Variants in PIKFYVE observed in about 807,000 individuals in gnomAD.
PIKFYVE encodes 1-phosphatidylinositol 3-phosphate 5-kinase.
Under a neutral mutation model 257.9 loss-of-function variants are expected in PIKFYVE, and 122 were observed. That is an observed-to-expected ratio of 0.47 (90% CI 0.41 to 0.55). PIKFYVE has a LOEUF of 0.55. PIKFYVE is among the 20% of genes least tolerant of loss of function. The pLI is 0.00. For missense variants in PIKFYVE, 2,160 were observed against 2,536.6 expected (o/e 0.85, Z 3.19); for synonymous variants, 892 against 868.9 (o/e 1.03, Z -0.47).
intron 28 of PIKFYVE, 29 bp from the exon 29 acceptor site, chr2:208,338,479 A>G (rs1698387473): frequency 5.6e-6 from 9 of 1,604,730 alleles, no homozygotes; most frequent in Non-Finnish European, 7.7e-6. Flanking sequence ...CATGTTTTCC[A>G]TAAGAACAAA....
chr2:208,289,583 C>T (rs929840200), intron 7 of PIKFYVE, among the ~76,000 whole-genome samples: 4 of 152,148 alleles, frequency 2.6e-5, no homozygotes, highest in Admixed American at 1.3e-4. Flanking sequence ...GCGCCCATCA[C>T]CATGCCCAGC....
chr2:208,304,766 CT>C, intron 11 of PIKFYVE, 79 bp from the exon 12 acceptor site: 1 of 1,394,820 alleles, frequency 7.2e-7, no homozygotes, highest in African/African-American at 1.4e-5. Flanking sequence ...CATTTTTCTC[CT>C]TTCCTCCAAT....
chr2:208,335,987 T>G, intron 26 of PIKFYVE, 59 bp from the exon 27 acceptor site: 1 of 1,603,176 alleles, frequency 6.2e-7, no homozygotes, highest in South Asian at 1.1e-5. Flanking sequence ...TAATAGCAGT[T>G]TCTTTTGGGG....
At position 208,295,467 on chromosome 2, in the gene PIKFYVE, A is replaced by G. The variant is rs564014034; in HGVS notation, c.912-3174A>G. ...AATCTGTGATGCAGTTCAGAATCAT[A>G]TTGAACTTATTTGTCATATGTCTTG... On this transcript the variant is annotated intron_variant, in intron 7 of 41. Transcript: ENST00000264380. 3.3e-5 allele frequency among the ~76,000 whole-genome samples: 5 copies of G among 152,314 alleles called. No individual in the cohort carries two copies. The South Asian group carries it at 6.2e-4, about 19-fold the overall frequency.
chr2:208,355,215 G>A lies in PIKFYVE; in HGVS notation c.6207G>A (p.Pro2069=), dbSNP rs924222421. Residue 2069 remains proline (P), a synonymous_variant, in exon 42 of 42, where the codon CCG becomes CCA. Transcript: ENST00000264380. ...GTAAAATGCCAACAGTGGTGTCTCC[G>A]GAGTTGTACAGGACTAGGTTTTGTG... ...GQGKMPTVVS[P]ELYRTRFCEA... The A allele has an allele frequency of 5.0e-6, 8 of 1,613,734 alleles. No individual in the cohort carries two copies. Among genetic ancestry groups the A allele is most frequent in the African/African-American group, 4.0e-5 (3 of 74,894 alleles).
chr2:208,281,326 G>A (rs1559398231), intron 5 of PIKFYVE, among the ~76,000 whole-genome samples: 1 of 152,102 alleles, frequency 6.6e-6, no homozygotes. Context: ...TTAACCCCTT[G>A]AGCTGCAACA....
chr2:208,315,284 T>A lies in PIKFYVE; in HGVS notation c.1918T>A (p.Leu640Met). 1 of 1,614,158 alleles carries A rather than the reference T, an allele frequency of 6.2e-7. No individual in the cohort carries two copies. The highest frequency in any genetic ancestry group is 8.5e-7 in the Non-Finnish European group (1 of 1,179,994). Reference sequence around the variant, plus strand: ...ATCTTGGAGGGACATCATCGTGTCATTGGTCTGCCAGGTTGTTCAGACAGT... The same window carrying A: ...ATCTTGGAGGGACATCATCGTGTCAATGGTCTGCCAGGTTGTTCAGACAGT... ...SSSWRDIIVSLVCQVVQTVRP... is the reference protein window; with the variant it reads ...SSSWRDIIVSMVCQVVQTVRP... The change falls in exon 15 of 42, where the codon TTG (leucine) becomes ATG (methionine). Residue 640 changes from leucine to methionine, a missense_variant. By Grantham distance (15) the Leu-to-Met change is conservative (BLOSUM62 2). This residue lies in a region of PIKFYVE where 346 missense variants were observed against 365.6 expected (regional missense o/e 0.95). Coordinates refer to ENST00000264380, the MANE Select transcript of PIKFYVE (RefSeq NM_015040.4).
chr2:208,351,786 C>T (rs572855311), intron 38 of PIKFYVE, among the ~76,000 whole-genome samples: 6 of 152,192 alleles, frequency 3.9e-5, no homozygotes, highest in South Asian at 2.1e-4. Context: ...CCAGATCTTG[C>T]GTGAACTCAG....
At chr2:208,329,980 G>A (rs1697333233) in intron 22 of PIKFYVE, 67 bp downstream of exon 22, 5 of 1,572,498 alleles carry the variant, frequency 3.2e-6, no homozygotes, top group African/African-American at 1.3e-5. Flanking sequence ...AAGCTAAAAC[G>A]TAAACATGAG....
intron 9 of PIKFYVE, 132 bp downstream of exon 9, chr2:208,301,226 G>C: frequency 8.5e-7 from 1 of 1,169,618 alleles, no homozygotes; most frequent in Non-Finnish European, 1.2e-6. Context: ...GATGGTTTAG[G>C]GTGCTAATTA....
At position 208,344,560 on chromosome 2, in the gene PIKFYVE, T is replaced by C. The variant is rs79664123; in HGVS notation, c.5028-551T>C. ...TTGTACTATTAGGAAGTAAGGATTCTAGCTGAGATCATCTTTTTTCAATGT... is the reference window on the plus strand; with the variant it reads ...TTGTACTATTAGGAAGTAAGGATTCCAGCTGAGATCATCTTTTTTCAATGT... On this transcript the variant is annotated intron_variant, in intron 32 of 41. Coordinates refer to ENST00000264380, the MANE Select transcript of PIKFYVE (RefSeq NM_015040.4). Among the ~76,000 whole-genome samples, 510 of 152,274 alleles carry C rather than the reference T, an allele frequency of 3.3e-3. 3 individuals are homozygous for C. Among genetic ancestry groups the C allele is most frequent in the African/African-American group, 0.012 (493 of 41,566 alleles).
intron 31 of PIKFYVE, among the ~76,000 whole-genome samples, chr2:208,341,909 A>G (rs12622556): frequency 0.17 from 26,172 of 151,472 alleles, 2,872 homozygotes; most frequent in East Asian, 0.48. Context: ...TTATTGGATT[A>G]TCTGTTTCTT....
At chr2:208,319,236 TA>T (rs1208407704) in intron 16 of PIKFYVE, among the ~76,000 whole-genome samples, 2 of 152,200 alleles carry the variant, frequency 1.3e-5, no homozygotes, top group African/African-American at 4.8e-5. Flanking sequence ...TAGTTTTTTC[TA>T]AGGCATTAAG....
intron 14 of PIKFYVE, 22 bp from the exon 15 acceptor site, chr2:208,315,171 C>A: frequency 1.2e-6 from 2 of 1,602,000 alleles, no homozygotes; most frequent in Admixed American, 3.3e-5. Flanking sequence ...ATGCAAACTT[C>A]TTTCTTATAA....
intron 3 of PIKFYVE, 143 bp downstream of exon 3, chr2:208,273,876 T>C: frequency 4.4e-6 from 6 of 1,368,936 alleles, no homozygotes; most frequent in East Asian, 2.4e-5. Context: ...AGGTACTGTT[T>C]AGAGTAAATA....
At chr2:208,302,604 T>A (rs1693831757) in intron 10 of PIKFYVE, 1 of 445,362 alleles carries the variant, frequency 2.2e-6, no homozygotes, top group Admixed American at 3.4e-5. Context: ...AATCAAACAC[T>A]TTTTTCAGTT....
At chr2:208,351,574 TA>T in intron 38 of PIKFYVE, 119 bp downstream of exon 38, 1 of 901,498 alleles carries the variant, frequency 1.1e-6, no homozygotes, top group South Asian at 1.3e-5. Flanking sequence ...GGGTAATTTG[TA>T]AAGAAAAGAG....
intron 1 of PIKFYVE, among the ~76,000 whole-genome samples, chr2:208,267,815 C>T (rs1352471013): frequency 1.3e-5 from 2 of 151,890 alleles, no homozygotes; most frequent in Non-Finnish European, 2.9e-5. Context: ...GTCTCCCTCC[C>T]TCGCCCAGGC....
In PIKFYVE at chr2:208,325,907, C is replaced by T; in HGVS notation, c.3096C>T (p.Thr1032=). The T allele has an allele frequency of 3.1e-6, 5 of 1,614,120 alleles. No individual in the cohort carries two copies. The highest frequency in any genetic ancestry group is 4.2e-6 in the Non-Finnish European group (5 of 1,179,988). ...DTGLYVTEEV[T]SSEDKRKTYS... ...GATTATATGTTACTGAGGAAGTCAC[C>T]TCCTCTGAAGATAAACGAAAGACTT... is the stretch of plus-strand genomic sequence containing the variant. The change falls in exon 20 of 42, where the codon ACC becomes ACT. Residue 1032 remains threonine, a synonymous_variant. Coordinates refer to ENST00000264380, the MANE Select transcript of PIKFYVE (RefSeq NM_015040.4).
Sources: allele counts gnomAD v4.1 joint callset (sites outside exome capture counted in the v4.1 genomes callset), GRCh38; gene constraint gnomAD v4.1.1; regional missense constraint gnomAD v4.1.1; transcripts MANE v1.5; gene names NCBI Gene and HGNC (gene_info 2026-07-23, HGNC 2026-07-21).